TOPAZ1: variants seen among roughly 807,000 people sequenced by gnomAD.
The protein encoded by TOPAZ1 is protein TOPAZ1.
TOPAZ1 carries 66 observed loss-of-function variants against 172.2 expected under a neutral mutation model. The ratio of observed to expected loss-of-function variants is 0.38; its 90% CI spans 0.31 to 0.47. The LOEUF is 0.47. TOPAZ1 is among the 20% of genes least tolerant of loss of function. The probability of loss-of-function intolerance (pLI) is 0.99; values close to 1 mark genes in which losing one functional copy is unlikely to be tolerated. For missense variants in TOPAZ1, 1,822 were observed against 1,972.4 expected (o/e 0.92, Z 1.44); for synonymous variants, 681 against 683.9 (o/e 1.00, Z 0.07).
chr3:44,315,052 T>C (rs1464028716), intron 16 of TOPAZ1, among the ~76,000 whole-genome samples: 1 of 152,174 alleles, frequency 6.6e-6, no homozygotes, highest in African/African-American at 2.4e-5. Context: ...TTAGAGTATT[T>C]CACCTGTGGT....
chr3:44,268,813 A>C (rs961047116), intron 6 of TOPAZ1, among the ~76,000 whole-genome samples: 1 of 152,116 alleles, frequency 6.6e-6, no homozygotes, highest in African/African-American at 2.4e-5. Context: ...GGGCTTCAAC[A>C]TGTTAATTTT....
At chr3:44,273,790 C>T (rs1369400436) in intron 8 of TOPAZ1, among the ~76,000 whole-genome samples, 1 of 152,046 alleles carries the variant, frequency 6.6e-6, no homozygotes, top group African/African-American at 2.4e-5. Context: ...GCAAACAAAT[C>T]AATGTTATTT....
intron 17 of TOPAZ1, among the ~76,000 whole-genome samples, chr3:44,322,376 C>CT (rs1700546828): frequency 6.6e-6 from 1 of 152,124 alleles, no homozygotes; most frequent in Non-Finnish European, 1.5e-5. Context: ...AAGGTCTGAA[C>CT]TGTAGATATA....
rs71085612 is a variant in TOPAZ1 at position 44,269,471 on chromosome 3, C to CTTTTTTTTTTTTTTTTTTTT, written c.3246+182_3246+201dup. ...CCTTTTGATTGTATTTCCCTATCAT[C>CTTTTTTTTTTTTTTTTTTTT]TTTTTTTTTTTTTTTTTTTTTTTTT... On this transcript the variant is annotated intron_variant, in intron 7 of 19. Transcript: ENST00000309765. 1.3e-3 allele frequency among the ~76,000 whole-genome samples: 43 copies of CTTTTTTTTTTTTTTTTTTTT among 33,934 alleles called. 4 individuals are homozygous for CTTTTTTTTTTTTTTTTTTTT. Among genetic ancestry groups the CTTTTTTTTTTTTTTTTTTTT allele is most frequent in the African/African-American group, 2.5e-3 (15 of 6,122 alleles). The allele number at this position is 33,934 out of a possible 152,430, so 22.3% of individuals were successfully genotyped here.
intron 19 of TOPAZ1, among the ~76,000 whole-genome samples, chr3:44,330,465 C>T (rs1700655442): frequency 6.6e-6 from 1 of 152,208 alleles, no homozygotes; most frequent in African/African-American, 2.4e-5. Flanking sequence ...CTCTATGAGA[C>T]AGAATTTTAT....
rs149453847 is a variant in TOPAZ1, at chr3:44,294,523, C to T, written c.3797+3637C>T. Among the ~76,000 whole-genome samples the T allele has an allele frequency of 4.4e-3, 665 of 152,218 alleles. 3 individuals carry two copies. Among genetic ancestry groups the T allele is most frequent in the African/African-American group, 0.015 (619 of 41,540 alleles). Reference sequence around the variant, plus strand: ...TATTTTTTTTTCTTTGAGACAGTATCTCCCTCTGTCTCCCAAGCTGGAGTG... The same window carrying T: ...TATTTTTTTTTCTTTGAGACAGTATTTCCCTCTGTCTCCCAAGCTGGAGTG... On this transcript the variant is annotated intron_variant, in intron 12 of 19. Transcript: ENST00000309765.
In TOPAZ1 at chr3:44,243,929, T is replaced by C. The variant is rs746209453; in HGVS notation, c.1423T>C (p.Ser475Pro). The change falls in exon 2 of 20, where the codon TCT (serine) becomes CCT (proline). Residue 475 changes from serine (S) to proline (P), a missense_variant. Physicochemically the swap from Ser to Pro is moderately conservative, Grantham distance 74. Coordinates refer to ENST00000309765, the MANE Select transcript of TOPAZ1 (RefSeq NM_001145030.2). ...RSSREDLRSA[S>P]EELKLSCQRT... ...TTCACGGGAAGACTTAAGAAGTGCA[T>C]CTGAAGAATTGAAGTTAAGCTGTCA... 3 of 1,552,328 alleles carry C rather than the reference T, an allele frequency of 1.9e-6. No individual in the cohort carries two copies. Among genetic ancestry groups the C allele is most frequent in the South Asian group, 2.4e-5 (2 of 84,056 alleles).
intron 10 of TOPAZ1, 89 bp from the exon 11 acceptor site, chr3:44,287,658 T>G: frequency 2.9e-6 from 3 of 1,022,992 alleles, no homozygotes. Context: ...TAGAAACCAC[T>G]TGTGTTTTTC....
chr3:44,264,025 A>C (rs1699802800), intron 5 of TOPAZ1, among the ~76,000 whole-genome samples: 1 of 152,210 alleles, frequency 6.6e-6, no homozygotes, highest in Non-Finnish European at 1.5e-5. Flanking sequence ...CCTTTCCTGA[A>C]GACTAATTTA....
chr3:44,268,286 T>C (rs1559531473), intron 6 of TOPAZ1, among the ~76,000 whole-genome samples: 1 of 151,724 alleles, frequency 6.6e-6, no homozygotes, highest in East Asian at 1.9e-4. Context: ...GGCTTGCAGA[T>C]GGCTACCTTC....
At position 44,323,183 on chromosome 3, in the gene TOPAZ1, G is replaced by A. The variant is rs1358239083; in HGVS notation, c.4563G>A (p.Val1521=). The A allele has an allele frequency of 1.3e-6, 2 of 1,550,176 alleles. No homozygotes were observed. Among genetic ancestry groups the A allele is most frequent in the Admixed American group, 3.9e-5 (2 of 50,964 alleles). The change falls in exon 18 of 20, where the codon GTG becomes GTA. Residue 1521 remains valine, a synonymous_variant. Coordinates refer to ENST00000309765, the MANE Select transcript of TOPAZ1 (RefSeq NM_001145030.2). ...GTAGTCTTGGTATGTCATCCTCTGT[G>A]GCAGAATTCATGATTTCAAAGAGCA... ...ESSSLGMSSS[V]AEFMISKSIP...
At chr3:44,270,853 C>G in intron 8 of TOPAZ1, 43 bp downstream of exon 8, 2 of 1,484,040 alleles carry the variant, frequency 1.3e-6, no homozygotes, top group Non-Finnish European at 1.8e-6. Flanking sequence ...GTTTTAATAA[C>G]TATCTCAGTC....
At chr3:44,284,736 C>G (rs963353225) in intron 9 of TOPAZ1, among the ~76,000 whole-genome samples, 10 of 152,172 alleles carry the variant, frequency 6.6e-5, no homozygotes, top group Non-Finnish European at 1.0e-4. Flanking sequence ...TTTAAAACAA[C>G]TGCTATTTAG....
rs1167855723 is a variant in TOPAZ1, at chr3:44,274,560, A to AT, written c.3372+3750_3372+3751insT. 7.6e-4 allele frequency among the ~76,000 whole-genome samples: 92 copies of AT among 120,472 alleles called. 6 individuals are homozygous for AT. In the South Asian group the frequency reaches 0.032, roughly 42 times the overall value. 79.0% of individuals were successfully genotyped at this position (120,472 alleles called of 152,430 possible). ...GGCACAAAATGGAAGTAAAGCCTTA[A>AT]ATTTTTTTTTTTTTTTGAGATGGAT... On this transcript the variant is annotated intron_variant, in intron 8 of 19. Transcript: ENST00000309765.
intron 2 of TOPAZ1, among the ~76,000 whole-genome samples, chr3:44,249,870 G>A (rs984846225): frequency 3.3e-5 from 5 of 152,170 alleles, no homozygotes; most frequent in Admixed American, 2.6e-4. Context: ...CTAGATTAAG[G>A]AGGTTGGAAA....
chr3:44,297,797 GCACAAAAATCAA>G (rs1404620463), intron 12 of TOPAZ1, among the ~76,000 whole-genome samples: 1 of 151,096 alleles, frequency 6.6e-6, no homozygotes, highest in East Asian at 1.9e-4. Flanking sequence ...CAAGGTTGCA[GCACAAAAATCAA>G]CACAAAAATC....
At chr3:44,254,615 G>A (rs897595651) in intron 2 of TOPAZ1, among the ~76,000 whole-genome samples, 2 of 118,534 alleles carry the variant, frequency 1.7e-5, no homozygotes, top group African/African-American at 3.3e-5. Flanking sequence ...CAACAAGAGC[G>A]AAACTCCGTC....
intron 13 of TOPAZ1, among the ~76,000 whole-genome samples, chr3:44,304,670 T>C (rs1700314629): frequency 6.6e-6 from 1 of 152,236 alleles, no homozygotes; most frequent in South Asian, 2.1e-4. Flanking sequence ...AATAAGTTGA[T>C]TGAAATTTAC....
At chr3:44,332,788 G>A (rs1411026185), downstream of TOPAZ1, among the ~76,000 whole-genome samples, 1 of 115,662 alleles carries the variant, frequency 8.6e-6, no homozygotes, top group Non-Finnish European at 1.7e-5. Flanking sequence ...TGCGATTAAG[G>A]GGACTGAAAG....
Sources: allele counts gnomAD v4.1 joint callset (sites outside exome capture counted in the v4.1 genomes callset), GRCh38; gene constraint gnomAD v4.1.1; transcripts MANE v1.5; gene names NCBI Gene and HGNC (gene_info 2026-07-23, HGNC 2026-07-21).